The following PRELID2 variants were observed in gnomAD, a reference collection of about 807,000 sequenced individuals.
PRELID2 encodes PRELI domain containing 2, also known as PRELI domain-containing protein 2.
Under a neutral mutation model 28.4 loss-of-function variants are expected in PRELID2, and 25 were observed. The ratio of observed to expected loss-of-function variants is 0.88; its 90% CI spans 0.64 to 1.23. PRELID2 has a LOEUF of 1.23. Among genes scored for constraint, PRELID2 ranks in the 50% most tolerant of loss-of-function variants. The pLI is 0.00. For missense variants in PRELID2, 201 were observed against 214.4 expected (o/e 0.94, Z 0.39); for synonymous variants, 76 against 71.6 (o/e 1.06, Z -0.31).
At chr5:145,622,842 C>A (rs1385101531) in intron 1 of PRELID2, among the ~76,000 whole-genome samples, 1 of 151,890 alleles carries the variant, frequency 6.6e-6, no homozygotes, top group Non-Finnish European at 1.5e-5. Flanking sequence ...GACAAATTAT[C>A]TGTATTTAAA....
chr5:145,509,801 A>T (rs187471968), intron 1 of PRELID2, among the ~76,000 whole-genome samples: 1 of 152,320 alleles, frequency 6.6e-6, no homozygotes, highest in Non-Finnish European at 1.5e-5. Flanking sequence ...CACATCAAGC[A>T]TCTTGCCCAA....
intron 1 of PRELID2, among the ~76,000 whole-genome samples, chr5:145,593,035 T>A (rs1753253829): frequency 6.6e-6 from 1 of 152,194 alleles, no homozygotes; most frequent in African/African-American, 2.4e-5. Context: ...AAAGTAATTA[T>A]GTTAGTGTTC....
At chr5:145,316,859 C>T in the PRELID2 span, among the ~76,000 whole-genome samples, 1 of 152,200 alleles carries the variant, frequency 6.6e-6, no homozygotes, top group African/African-American at 2.4e-5. Flanking sequence ...TGTATATATG[C>T]AAATGATGTC....
At chr5:145,229,520 G>C in the PRELID2 span, 21 of 1,414,862 alleles carry the variant, frequency 1.5e-5, no homozygotes, top group Non-Finnish European at 2.1e-5. Flanking sequence ...CCCCGTGAGG[G>C]TGACCAGCGT....
intron 1 of PRELID2, among the ~76,000 whole-genome samples, chr5:145,614,543 T>A (rs1714289466): frequency 6.6e-6 from 1 of 151,990 alleles, no homozygotes; most frequent in African/African-American, 2.4e-5. Context: ...AGCTCCTTGG[T>A]TAGGGGTATT....
chr5:145,304,947 C>A, the PRELID2 span, among the ~76,000 whole-genome samples: 1 of 152,050 alleles, frequency 6.6e-6, no homozygotes, highest in African/African-American at 2.4e-5. Flanking sequence ...ATTTGTCGAA[C>A]GAATAAATGA....
At chr5:145,544,193 C>G (rs1291196323) in intron 1 of PRELID2, among the ~76,000 whole-genome samples, 1 of 151,998 alleles carries the variant, frequency 6.6e-6, no homozygotes, top group Admixed American at 6.6e-5. Flanking sequence ...ACGCCCATGT[C>G]CACTATGATA....
chr5:145,745,604 G>A (rs1183026710), intron 1 of PRELID2, among the ~76,000 whole-genome samples: 1 of 152,164 alleles, frequency 6.6e-6, no homozygotes, highest in Non-Finnish European at 1.5e-5. Flanking sequence ...GCTCATGTCT[G>A]TAATCCCAGC....
intron 1 of PRELID2, among the ~76,000 whole-genome samples, chr5:145,477,451 A>C (rs1467110044): frequency 6.6e-6 from 1 of 152,214 alleles, no homozygotes; most frequent in African/African-American, 2.4e-5. Flanking sequence ...AAAATTCCCC[A>C]AATGAGCTCT....
At chr5:145,291,476 C>A in the PRELID2 span, among the ~76,000 whole-genome samples, 1 of 151,768 alleles carries the variant, frequency 6.6e-6, no homozygotes, top group African/African-American at 2.4e-5. Context: ...AGGAAAGGTG[C>A]CTCCTAGCAG....
chr5:145,773,093 C>G (rs1045684561), intron 5 of PRELID2, among the ~76,000 whole-genome samples: 1 of 152,150 alleles, frequency 6.6e-6, no homozygotes, highest in African/African-American at 2.4e-5. Flanking sequence ...AAAGCTTTCT[C>G]TCTCCTTAAA....
intron 1 of PRELID2, among the ~76,000 whole-genome samples, chr5:145,508,324 T>A (rs1752430506): frequency 6.6e-6 from 1 of 151,650 alleles, no homozygotes; most frequent in African/African-American, 2.4e-5. Flanking sequence ...TATCTATTAA[T>A]CAATCTTTTT....
At chr5:145,587,997 C>T (rs1047144558) in intron 1 of PRELID2, among the ~76,000 whole-genome samples, 4 of 152,082 alleles carry the variant, frequency 2.6e-5, no homozygotes, top group African/African-American at 9.7e-5. Context: ...ATCATTTTTG[C>T]CTGCTTACTA....
At chr5:145,769,355 GTC>G (rs1361010760) in intron 5 of PRELID2, among the ~76,000 whole-genome samples, 1 of 152,156 alleles carries the variant, frequency 6.6e-6, no homozygotes, top group African/African-American at 2.4e-5. Flanking sequence ...CCACAAAGGA[GTC>G]TCAGAGTCAG....
intron 4 of PRELID2, among the ~76,000 whole-genome samples, chr5:145,811,442 C>T (rs1166420039): frequency 3.3e-5 from 5 of 152,134 alleles, no homozygotes; most frequent in Admixed American, 3.3e-4. Flanking sequence ...CATGTGGCAC[C>T]ATGCTCGGCT....
intron 1 of PRELID2, among the ~76,000 whole-genome samples, chr5:145,641,115 T>A (rs1034003809): frequency 1.3e-5 from 2 of 152,128 alleles, no homozygotes; most frequent in African/African-American, 4.8e-5. Flanking sequence ...TTAAATAATG[T>A]ATATAAAGTG....
the PRELID2 span, among the ~76,000 whole-genome samples, chr5:145,255,178 T>C: frequency 3.9e-5 from 6 of 151,978 alleles, no homozygotes; most frequent in Admixed American, 3.9e-4. Flanking sequence ...TTATGAAACA[T>C]TCAAAGATGC....
chr5:145,603,653 G>A (rs867418727), intron 1 of PRELID2, among the ~76,000 whole-genome samples: 1 of 151,954 alleles, frequency 6.6e-6, no homozygotes, highest in African/African-American at 2.4e-5. Flanking sequence ...ATACAGGAAT[G>A]CTTAAATAAG....
chr5:145,351,301 A>C, the PRELID2 span, among the ~76,000 whole-genome samples: 1 of 152,178 alleles, frequency 6.6e-6, no homozygotes, highest in Non-Finnish European at 1.5e-5. Flanking sequence ...ACAGTTCCAC[A>C]TGGTTGGGGA....
Sources: allele counts gnomAD v4.1 joint callset (sites outside exome capture counted in the v4.1 genomes callset), GRCh38; gene constraint gnomAD v4.1.1; transcripts MANE v1.5; gene names NCBI Gene and HGNC (gene_info 2026-07-23, HGNC 2026-07-21).